The following NAV3 variants were observed in gnomAD, a reference collection of about 807,000 sequenced individuals.
NAV3 encodes pore membrane and/or filament interacting like protein 1.
A neutral mutation model predicts 244.7 loss-of-function variants in NAV3; 87 were observed. The ratio of observed to expected loss-of-function variants is 0.36; its 90% CI spans 0.30 to 0.42. NAV3 has a LOEUF of 0.42. Ranked by LOEUF, NAV3 falls within the 20% of genes least tolerant of loss-of-function variation. The pLI is 1.00. For missense variants in NAV3, 2,663 were observed against 2,893.3 expected, an observed-to-expected ratio of 0.92 and a Z score of 1.83; for synonymous variants, 1,126 against 1,042.2, an observed-to-expected ratio of 1.08 and a Z score of -1.55.
At chr12:78,162,409 T>G (rs1457346811) in intron 23 of NAV3, among the ~76,000 whole-genome samples, 1 of 152,120 alleles carries the variant, frequency 6.6e-6, no homozygotes, top group Admixed American at 6.6e-5. Context: ...TAGATATAGG[T>G]CTATATCTAT....
At chr12:77,595,234 A>G (rs892256641) in intron 2 of NAV3, among the ~76,000 whole-genome samples, 2 of 152,184 alleles carry the variant, frequency 1.3e-5, no homozygotes, top group African/African-American at 4.8e-5. Flanking sequence ...TTTAAAAAAA[A>G]AGAAAGAAGA....
intron 2 of NAV3, among the ~76,000 whole-genome samples, chr12:77,693,150 ACTAT>A (rs1252366305): frequency 2.0e-5 from 3 of 152,278 alleles, no homozygotes; most frequent in East Asian, 3.9e-4. Context: ...CTTCTGCATG[ACTAT>A]CTAAGAAAAG....
upstream of NAV3, among the ~76,000 whole-genome samples, chr12:77,826,932 G>T (rs892139554): frequency 6.6e-6 from 1 of 152,060 alleles, no homozygotes; most frequent in Non-Finnish European, 1.5e-5. Context: ...TTAAAAATAG[G>T]AATGTGAGAC....
chr12:78,126,058 G>A (rs1467382326), intron 16 of NAV3, among the ~76,000 whole-genome samples: 1 of 152,152 alleles, frequency 6.6e-6, no homozygotes, highest in Non-Finnish European at 1.5e-5. Flanking sequence ...TTTATCCACA[G>A]TACTTAAGAA....
At chr12:77,625,416 A>G (rs949144364) in intron 2 of NAV3, among the ~76,000 whole-genome samples, 10 of 152,226 alleles carry the variant, frequency 6.6e-5, no homozygotes, top group Non-Finnish European at 1.2e-4. Flanking sequence ...AGTGGAAAGT[A>G]TCTGTGAGAA....
chr12:78,080,963 A>G (rs565746594), intron 12 of NAV3, among the ~76,000 whole-genome samples: 2 of 152,266 alleles, frequency 1.3e-5, no homozygotes, highest in Non-Finnish European at 2.9e-5. Flanking sequence ...TTTAGTTATC[A>G]TAAGTGAAGT....
At chr12:77,872,453 G>A (rs189126872) in intron 1 of NAV3, among the ~76,000 whole-genome samples, 84 of 152,294 alleles carry the variant, frequency 5.5e-4, no homozygotes, top group Non-Finnish European at 1.0e-4. Flanking sequence ...TGGTGGAAAT[G>A]CAAGAGTTAG....
chr12:77,864,960 G>A (rs1879790891), intron 1 of NAV3, among the ~76,000 whole-genome samples: 1 of 151,894 alleles, frequency 6.6e-6, no homozygotes, highest in African/African-American at 2.4e-5. Flanking sequence ...TCTCCACAAA[G>A]GTACAGAGCA....
intron 5 of NAV3, among the ~76,000 whole-genome samples, chr12:77,976,018 G>T (rs1191401658): frequency 1.3e-5 from 2 of 152,170 alleles, no homozygotes; most frequent in African/African-American, 4.8e-5. Context: ...AATGAAATTG[G>T]TAAACAGAAA....
At chr12:77,832,218 C>T (rs1873831341) in intron 1 of NAV3, among the ~76,000 whole-genome samples, 1 of 152,148 alleles carries the variant, frequency 6.6e-6, no homozygotes, top group African/African-American at 2.4e-5. Context: ...ATACTATTTT[C>T]CTTGATACTG....
intron 9 of NAV3, among the ~76,000 whole-genome samples, chr12:78,034,397 G>A (rs1483244569): frequency 6.6e-6 from 1 of 152,208 alleles, no homozygotes; most frequent in Non-Finnish European, 1.5e-5. Context: ...AAAGTCCCAG[G>A]ACCCTCCGAG....
chr12:78,144,682 C>T (rs948760288), intron 20 of NAV3, among the ~76,000 whole-genome samples: 1 of 151,328 alleles, frequency 6.6e-6, no homozygotes, highest in Non-Finnish European at 1.5e-5. Flanking sequence ...AACAAAAATG[C>T]GGTGAGTATA....
intron 12 of NAV3, among the ~76,000 whole-genome samples, chr12:78,110,967 T>A (rs1949983298): frequency 6.6e-6 from 1 of 151,874 alleles, no homozygotes; most frequent in Non-Finnish European, 1.5e-5. Flanking sequence ...AGCTAATAAC[T>A]TGATTACATG....
At chr12:77,598,405 G>T (rs138828249) in intron 2 of NAV3, among the ~76,000 whole-genome samples, 36 of 152,044 alleles carry the variant, frequency 2.4e-4, no homozygotes, top group African/African-American at 8.4e-4. Context: ...CTCAACAGTT[G>T]CTAAATCCTT....
chr12:77,918,739 G>A (rs1023746280), intron 1 of NAV3, among the ~76,000 whole-genome samples: 1 of 151,986 alleles, frequency 6.6e-6, no homozygotes, highest in East Asian at 1.9e-4. Context: ...TCATCCAGTA[G>A]GATATCTCAG....
rs2137256741 is a variant in NAV3 at position 78,050,994 on chromosome 12, C to T, written c.2363C>T (p.Ala788Val). 6.2e-7 allele frequency: 1 copy of T among 1,614,126 alleles called. No homozygotes were observed. Among genetic ancestry groups the T allele is most frequent in the Non-Finnish European group, 8.5e-7 (1 of 1,180,034 alleles). The change falls in exon 11 of 40, where the codon GCT (alanine) becomes GTT (valine). Residue 788 changes from alanine (A) to valine (V), a missense_variant. Transcript: ENST00000397909. ...RFMYTTPLRR[A>V]AVSRLGNMSQ... ...ATGTATACCACGCCTCTCCGTCGAG[C>T]TGCTGTCTCTAGGCTGGGAAACATG...
chr12:77,880,082 G>A (rs572239658), intron 1 of NAV3, among the ~76,000 whole-genome samples: 2 of 152,256 alleles, frequency 1.3e-5, no homozygotes, highest in East Asian at 3.9e-4. Flanking sequence ...GATGATTAAT[G>A]AGTTTACCTT....
chr12:78,011,443 A>G (rs914727276), intron 8 of NAV3, among the ~76,000 whole-genome samples: 16 of 152,148 alleles, frequency 1.1e-4, no homozygotes, highest in Admixed American at 5.2e-4. Flanking sequence ...ATACACAATT[A>G]ATGTAGAAAA....
intron 2 of NAV3, among the ~76,000 whole-genome samples, chr12:77,577,992 A>G (rs1869172017): frequency 6.6e-6 from 1 of 152,202 alleles, no homozygotes; most frequent in African/African-American, 2.4e-5. Context: ...AGAGGGACTG[A>G]CTAATTGTCT....
Sources: allele counts gnomAD v4.1 joint callset (sites outside exome capture counted in the v4.1 genomes callset), GRCh38; gene constraint gnomAD v4.1.1; transcripts MANE v1.5; gene names NCBI Gene and HGNC (gene_info 2026-07-23, HGNC 2026-07-21).